The following CDH12 variants were observed in gnomAD, a reference collection of about 807,000 sequenced individuals.
CDH12 encodes the protein cadherin 12, also known as cadherin-12.
CDH12 carries 41 observed loss-of-function variants against 74.1 expected under a neutral mutation model. That is an observed-to-expected ratio of 0.55 (90% CI 0.43 to 0.72). The LOEUF (loss-of-function observed/expected upper bound fraction) is 0.72, where lower values mean the gene tolerates loss of function less well. CDH12 is among the 30% of genes least tolerant of loss of function. The pLI is 0.00. For synonymous variants in CDH12, 399 were observed against 355.0 expected (o/e 1.12, Z -1.39); for missense variants, 945 against 977.2 (o/e 0.97, Z 0.44).
chr5:22,381,836 G>A (rs1322871139), intron 3 of CDH12, among the ~76,000 whole-genome samples: 1 of 151,052 alleles, frequency 6.6e-6, no homozygotes, highest in Non-Finnish European at 1.5e-5. Flanking sequence ...AAAAAAAAAC[G>A]AAACTGCCGT....
At chr5:22,258,507 G>A (rs578059535) in intron 3 of CDH12, among the ~76,000 whole-genome samples, 39 of 151,244 alleles carry the variant, frequency 2.6e-4, no homozygotes, top group Middle Eastern at 3.4e-3. Context: ...TCTCTGCATA[G>A]AAACTGTTCA....
Position 22,046,232 on chromosome 5 carries a change from A to G in CDH12, c.231+32214T>C, listed in dbSNP as rs146335403. 4.6e-3 allele frequency among the ~76,000 whole-genome samples: 698 copies of G among 152,232 alleles called. 9 individuals are homozygous for G. Among genetic ancestry groups the G allele is most frequent in the African/African-American group, 0.016 (669 of 41,540 alleles). On this transcript the variant is annotated intron_variant, in intron 5 of 14. Transcript: ENST00000382254. ...AAACTGACAAGATTTAGAACTAAAC[A>G]TATTACCAATTTAATTAAAATATTT...
intron 1 of CDH12, among the ~76,000 whole-genome samples, chr5:22,759,870 A>G (rs1488354129): frequency 1.3e-5 from 2 of 152,186 alleles, no homozygotes; most frequent in Non-Finnish European, 2.9e-5. Context: ...TCAGAGAAGA[A>G]CTGATGTTGT....
intron 1 of CDH12, among the ~76,000 whole-genome samples, chr5:22,567,802 T>C (rs1448769522): frequency 6.6e-6 from 1 of 152,230 alleles, no homozygotes. Flanking sequence ...AATATTTGTG[T>C]ATATTTGAAC....
intron 5 of CDH12, among the ~76,000 whole-genome samples, chr5:22,020,438 C>T (rs1737896848): frequency 6.6e-6 from 1 of 151,876 alleles, no homozygotes; most frequent in South Asian, 2.1e-4. Flanking sequence ...CCTGTAATCT[C>T]TGCTACTCGG....
intron 3 of CDH12, among the ~76,000 whole-genome samples, chr5:22,342,648 T>A (rs1201781151): frequency 6.8e-6 from 1 of 147,280 alleles, no homozygotes; most frequent in Non-Finnish European, 1.5e-5. Flanking sequence ...CTCTTTCTTA[T>A]TTTTCTTTCT....
intron 1 of CDH12, among the ~76,000 whole-genome samples, chr5:22,695,182 T>G (rs1242620637): frequency 6.6e-6 from 1 of 152,216 alleles, no homozygotes; most frequent in East Asian, 1.9e-4. Flanking sequence ...TTCTTTTTTA[T>G]GGCTGCATAG....
At chr5:22,607,255 A>G (rs1459636030) in intron 1 of CDH12, among the ~76,000 whole-genome samples, 1 of 152,212 alleles carries the variant, frequency 6.6e-6, no homozygotes, top group African/African-American at 2.4e-5. Context: ...CACCAAAACA[A>G]TGAGGAATAT....
At chr5:22,761,213 A>G (rs576931793) in intron 1 of CDH12, among the ~76,000 whole-genome samples, 1 of 152,250 alleles carries the variant, frequency 6.6e-6, no homozygotes, top group East Asian at 1.9e-4. Context: ...TAAAATTGCC[A>G]CCCAGCTTTT....
chr5:22,797,728 C>T (rs756213688), intron 1 of CDH12, among the ~76,000 whole-genome samples: 3 of 151,908 alleles, frequency 2.0e-5, no homozygotes, highest in Non-Finnish European at 4.4e-5. Context: ...TATTTTACCT[C>T]ATTTAAATTG....
At chr5:22,062,182 A>T (rs1741235454) in intron 5 of CDH12, among the ~76,000 whole-genome samples, 1 of 152,158 alleles carries the variant, frequency 6.6e-6, no homozygotes, top group African/African-American at 2.4e-5. Flanking sequence ...CCGCCAATTC[A>T]ATTAAAGTAA....
At chr5:22,818,420 T>A (rs1340777512) in intron 1 of CDH12, among the ~76,000 whole-genome samples, 1 of 152,104 alleles carries the variant, frequency 6.6e-6, no homozygotes, top group Non-Finnish European at 1.5e-5. Flanking sequence ...TCTTCCTCCA[T>A]CCCTTTCACT....
At chr5:22,735,589 G>A (rs1744658177) in intron 1 of CDH12, among the ~76,000 whole-genome samples, 1 of 151,878 alleles carries the variant, frequency 6.6e-6, no homozygotes, top group African/African-American at 2.4e-5. Context: ...TTCTATACAT[G>A]TGTGTGCACA....
intron 6 of CDH12, among the ~76,000 whole-genome samples, chr5:21,942,332 C>G (rs1755366806): frequency 2.0e-5 from 2 of 102,172 alleles, no homozygotes; most frequent in Non-Finnish European, 3.4e-5. Context: ...GAGACAAATA[C>G]AGTATATATA....
At chr5:22,202,419 G>A (rs1410365367) in intron 4 of CDH12, among the ~76,000 whole-genome samples, 2 of 152,082 alleles carry the variant, frequency 1.3e-5, no homozygotes, top group Admixed American at 6.5e-5. Flanking sequence ...TGAAAAATTA[G>A]TTTCAGCTAA....
Position 22,315,268 on chromosome 5 carries a change from G to A in CDH12, c.-333+89989C>T, listed in dbSNP as rs527570173. On this transcript the variant is annotated intron_variant, in intron 3 of 14. Transcript: ENST00000382254. ...TGAGCCACCGCGCCCGGCCTGGGCT[G>A]TTTGTTCTTTTACACAAGAGAAAAG... Among the ~76,000 whole-genome samples, 100 of 151,656 alleles carry A rather than the reference G, an allele frequency of 6.6e-4. 1 individual carries two copies. Among genetic ancestry groups the A allele is most frequent in the African/African-American group, 2.1e-3 (87 of 41,360 alleles).
At chr5:22,691,042 T>C (rs1742056501) in intron 1 of CDH12, among the ~76,000 whole-genome samples, 1 of 152,200 alleles carries the variant, frequency 6.6e-6, no homozygotes, top group Non-Finnish European at 1.5e-5. Context: ...CCACTTAGCA[T>C]TTACCTATGT....
At chr5:22,371,881 C>T (rs1019770221) in intron 3 of CDH12, among the ~76,000 whole-genome samples, 1 of 152,050 alleles carries the variant, frequency 6.6e-6, no homozygotes, top group Non-Finnish European at 1.5e-5. Flanking sequence ...ATGAAAGAAC[C>T]TTGTGGGAGA....
intron 1 of CDH12, among the ~76,000 whole-genome samples, chr5:22,731,403 A>G (rs529361688): frequency 2.6e-5 from 4 of 152,008 alleles, no homozygotes; most frequent in Middle Eastern, 3.4e-3. Flanking sequence ...GTTTTCATAA[A>G]AGTTGATGTA....
Sources: allele counts gnomAD v4.1 joint callset (sites outside exome capture counted in the v4.1 genomes callset), GRCh38; gene constraint gnomAD v4.1.1; transcripts MANE v1.5; gene names NCBI Gene and HGNC (gene_info 2026-07-23, HGNC 2026-07-21).